MICU1: variants seen among roughly 807,000 people sequenced by gnomAD.
MICU1 encodes calcium uptake protein 1, mitochondrial.
Under a neutral mutation model 56.8 loss-of-function variants are expected in MICU1, and 45 were observed. That is an observed-to-expected ratio of 0.79 (90% CI 0.62 to 1.02). MICU1 has a LOEUF of 1.02. Among genes scored for constraint, MICU1 ranks in the 50% least tolerant of loss-of-function variants. The pLI is 0.00. For missense variants in MICU1, 504 were observed against 587.1 expected, an observed-to-expected ratio of 0.86 and a Z score of 1.46; for synonymous variants, 186 against 195.1, an observed-to-expected ratio of 0.95 and a Z score of 0.39.
At chr10:72,619,359 G>A (rs530668480) in intron 1 of MICU1, among the ~76,000 whole-genome samples, 3 of 152,246 alleles carry the variant, frequency 2.0e-5, no homozygotes, top group East Asian at 1.9e-4. Flanking sequence ...GCAGGAGAAC[G>A]GTGTGAACCC....
intron 5 of MICU1, chr10:72,531,349 AT>A (rs1352659143): frequency 6.6e-6 from 1 of 152,216 alleles, no homozygotes; most frequent in African/African-American, 2.4e-5. Context: ...TTAACAGAAA[AT>A]TGTCTTAGAA....
chr10:72,495,560 C>T (rs1171204874), intron 6 of MICU1, among the ~76,000 whole-genome samples: 1 of 148,516 alleles, frequency 6.7e-6, no homozygotes, highest in African/African-American at 2.5e-5. Flanking sequence ...GAAGCTGAGG[C>T]AGGAGAATCA....
intron 8 of MICU1, among the ~76,000 whole-genome samples, chr10:72,431,094 GTCTATCTATCTATCTA>G (rs143659735): frequency 1.1e-4 from 15 of 141,430 alleles, no homozygotes; most frequent in Admixed American, 3.6e-4. Context: ...TTATCTGTCT[GTCTATCTATCTATCTA>G]TCTATCTATC....
At position 72,367,374 on chromosome 10, in the gene MICU1, T is replaced by C. The variant is rs1344075632; in HGVS notation, c.*821A>G. The C allele has an allele frequency of 6.6e-6, 1 of 152,206 alleles. No individual in the cohort carries two copies. Among genetic ancestry groups the C allele is most frequent in the Non-Finnish European group, 1.5e-5 (1 of 68,028 alleles). 9.4% of individuals were successfully genotyped at this position (152,206 alleles called of 1,614,324 possible). On this transcript the variant is annotated 3_prime_UTR_variant, in exon 12 of 12. Transcript: ENST00000361114. ...GATGTTTATTGCAAATGGTTATAAT[T>C]TAAGTGATATTTACAATTGTTTAAG...
At chr10:72,421,887 G>A (rs1184346005) in intron 9 of MICU1, among the ~76,000 whole-genome samples, 2 of 152,140 alleles carry the variant, frequency 1.3e-5, no homozygotes, top group Non-Finnish European at 1.5e-5. Context: ...CCATTCCTAT[G>A]AAGTCTTGCA....
intron 10 of MICU1, 53 bp downstream of exon 10, chr10:72,407,876 A>G: frequency 8.3e-7 from 1 of 1,203,250 alleles, no homozygotes; most frequent in Non-Finnish European, 1.2e-6. Flanking sequence ...CACCTAAGAG[A>G]TTACAGATCC....
At chr10:72,568,791 C>T (rs1286174818) in intron 1 of MICU1, among the ~76,000 whole-genome samples, 1 of 121,012 alleles carries the variant, frequency 8.3e-6, no homozygotes, top group Non-Finnish European at 1.6e-5. Flanking sequence ...CTTGCCCTAT[C>T]ACCCAGGCTG....
chr10:72,556,024 G>A (rs1840150465), intron 3 of MICU1, among the ~76,000 whole-genome samples: 1 of 152,178 alleles, frequency 6.6e-6, no homozygotes, highest in Admixed American at 6.6e-5. Flanking sequence ...CAGAAATAAT[G>A]CATAGGCATG....
At chr10:72,482,115 C>T (rs1308709517) in intron 6 of MICU1, among the ~76,000 whole-genome samples, 1 of 152,138 alleles carries the variant, frequency 6.6e-6, no homozygotes, top group African/African-American at 2.4e-5. Flanking sequence ...ACTAGCTGTC[C>T]TGAGACTTTC....
intron 8 of MICU1, among the ~76,000 whole-genome samples, chr10:72,425,266 T>G (rs1298750060): frequency 6.6e-6 from 1 of 152,242 alleles, no homozygotes; most frequent in Non-Finnish European, 1.5e-5. Context: ...TTCACAGCTG[T>G]GGGGCAATCC....
At chr10:72,423,539 A>G (rs1486044739) in intron 8 of MICU1, among the ~76,000 whole-genome samples, 168 bp from the exon 9 acceptor site, 3 of 152,226 alleles carry the variant, frequency 2.0e-5, no homozygotes, top group African/African-American at 7.2e-5. Context: ...CAGAAGATAT[A>G]GGTTCTTATC....
At chr10:72,582,094 T>G (rs1840915849) in intron 1 of MICU1, among the ~76,000 whole-genome samples, 1 of 151,890 alleles carries the variant, frequency 6.6e-6, no homozygotes. Flanking sequence ...CACGCCTGGG[T>G]AATTTTGTAC....
intron 1 of MICU1, among the ~76,000 whole-genome samples, chr10:72,604,571 C>T (rs1287903160): frequency 1.3e-5 from 2 of 151,538 alleles, no homozygotes; most frequent in Admixed American, 1.3e-4. Flanking sequence ...GCGTGCCCGG[C>T]CTTCTGCCTT....
At chr10:72,583,708 A>G (rs1366761316) in intron 1 of MICU1, among the ~76,000 whole-genome samples, 2 of 152,256 alleles carry the variant, frequency 1.3e-5, no homozygotes, top group East Asian at 3.8e-4. Context: ...TGCTCAAAAC[A>G]TAACACTATA....
intron 8 of MICU1, among the ~76,000 whole-genome samples, chr10:72,429,419 C>CA (rs34154785): frequency 0.06 from 6,819 of 113,286 alleles, 571 homozygotes; most frequent in East Asian, 0.3. Flanking sequence ...GATCCTGCCT[C>CA]AAAAAAAAAA....
intron 1 of MICU1, among the ~76,000 whole-genome samples, chr10:72,586,232 G>A (rs1006023426): frequency 2.6e-5 from 4 of 151,272 alleles, no homozygotes; most frequent in Non-Finnish European, 4.4e-5. Flanking sequence ...AGCTAGTCTC[G>A]AACTCCTGAG....
At chr10:72,524,670 C>T (rs767649542) in intron 5 of MICU1, 414 of 1,157,454 alleles carry the variant, frequency 3.6e-4, no homozygotes, top group Non-Finnish European at 4.4e-4. Flanking sequence ...AACCTTTGTT[C>T]CTGAAGCATT....
chr10:72,382,922 T>C (rs1265847930), intron 10 of MICU1, among the ~76,000 whole-genome samples: 1 of 152,066 alleles, frequency 6.6e-6, no homozygotes, highest in Non-Finnish European at 1.5e-5. Flanking sequence ...GTAACTTGCT[T>C]TTCCCTCTCA....
chr10:72,625,033 G>A (rs1842195293), intron 1 of MICU1, among the ~76,000 whole-genome samples: 1 of 152,136 alleles, frequency 6.6e-6, no homozygotes, highest in Non-Finnish European at 1.5e-5. Context: ...CACCGAACTT[G>A]TTTCACCTCA....
Sources: allele counts gnomAD v4.1 joint callset (sites outside exome capture counted in the v4.1 genomes callset), GRCh38; gene constraint gnomAD v4.1.1; transcripts MANE v1.5; gene names NCBI Gene and HGNC (gene_info 2026-07-23, HGNC 2026-07-21).